PDE2A: variants seen among roughly 807,000 people sequenced by gnomAD.
The protein encoded by PDE2A is cGMP-dependent 3',5'-cyclic phosphodiesterase.
Under a neutral mutation model 133.6 loss-of-function variants are expected in PDE2A, and 53 were observed. That is an observed-to-expected ratio of 0.40 (90% CI 0.32 to 0.50). PDE2A has a LOEUF of 0.50. Ranked by LOEUF, PDE2A falls within the 20% of genes least tolerant of loss-of-function variation. PDE2A has a pLI of 0.73. For missense variants in PDE2A, 796 were observed against 1,232.4 expected (o/e 0.65, Z 5.30); for synonymous variants, 491 against 490.2 (o/e 1.00, Z -0.02).
At chr11:72,618,900 C>A (rs1232930004) in intron 2 of PDE2A, among the ~76,000 whole-genome samples, 1 of 152,170 alleles carries the variant, frequency 6.6e-6, no homozygotes, top group African/African-American at 2.4e-5. Context: ...CCACCCAGCC[C>A]GCCAGGCAGG....
rs537660660 is a variant in PDE2A, at chr11:72,674,101, C to T, written c.71+36G>A. ...AGGACCCTGTCTGTGGCACCTCTCA[C>T]AGCCGCTCACCACCCCAGCCCCTCA... On this transcript the variant is annotated intron_variant, in intron 1 of 30. Coordinates refer to ENST00000334456, the MANE Select transcript of PDE2A (RefSeq NM_002599.5). 1.3e-4 allele frequency: 208 copies of T among 1,603,728 alleles called. No homozygotes were observed. In the South Asian group the frequency reaches 2.1e-3, roughly 17 times the overall value.
At chr11:72,656,951 ACT>A (rs555621333) in intron 1 of PDE2A, among the ~76,000 whole-genome samples, 57 of 149,954 alleles carry the variant, frequency 3.8e-4, no homozygotes, top group South Asian at 1.1e-3. Flanking sequence ...CACTGCATCC[ACT>A]CTCTCCCAGT....
At chr11:72,665,262 A>G (rs1194162343) in intron 1 of PDE2A, among the ~76,000 whole-genome samples, 4 of 151,796 alleles carry the variant, frequency 2.6e-5, no homozygotes, top group Admixed American at 6.6e-5. Context: ...GAGCCCCACA[A>G]CCATGGGCCT....
chr11:72,673,637 A>G (rs76321662), intron 1 of PDE2A, among the ~76,000 whole-genome samples: 2,790 of 151,912 alleles, frequency 0.018, 70 homozygotes, highest in African/African-American at 0.064. Context: ...GAAGGTGGTT[A>G]CCTCTAACCC....
chr11:72,642,175 G>T (rs1466493219), intron 2 of PDE2A, 79 bp downstream of exon 2: 15 of 1,355,352 alleles, frequency 1.1e-5, no homozygotes, highest in Non-Finnish European at 1.4e-5. Context: ...CCCTGAGAAG[G>T]GTTCGGGGGC....
chr11:72,654,475 A>G (rs1854836690), intron 1 of PDE2A, among the ~76,000 whole-genome samples: 1 of 152,082 alleles, frequency 6.6e-6, no homozygotes, highest in South Asian at 2.1e-4. Flanking sequence ...AGCAGCCAAG[A>G]AGCAAGGTGA....
intron 2 of PDE2A, among the ~76,000 whole-genome samples, chr11:72,614,838 G>GGT (rs1264293834): frequency 1.7e-4 from 26 of 152,260 alleles, no homozygotes; most frequent in Middle Eastern, 3.4e-3. Flanking sequence ...AGAGGCTGGG[G>GGT]GTGGAAGGAC....
At chr11:72,594,197 A>T (rs1485857629) in intron 6 of PDE2A, among the ~76,000 whole-genome samples, 1 of 152,156 alleles carries the variant, frequency 6.6e-6, no homozygotes, top group Non-Finnish European at 1.5e-5. Context: ...GAGGGGGTGG[A>T]TGGGTAGGTG....
chr11:72,628,333 CTT>C (rs562919002), intron 2 of PDE2A, among the ~76,000 whole-genome samples: 26 of 141,942 alleles, frequency 1.8e-4, no homozygotes, highest in African/African-American at 3.1e-4. Context: ...GATAGAGGTT[CTT>C]TTTTTTTTTT....
chr11:72,586,856 C>T (rs1182869388), intron 13 of PDE2A, among the ~76,000 whole-genome samples: 4 of 152,196 alleles, frequency 2.6e-5, no homozygotes, highest in African/African-American at 9.6e-5. Flanking sequence ...TTTTGGCTGG[C>T]CTTGGTGCTC....
chr11:72,607,694 A>T (rs758523641), intron 3 of PDE2A, among the ~76,000 whole-genome samples: 11 of 152,104 alleles, frequency 7.2e-5, no homozygotes, highest in Non-Finnish European at 1.2e-4. Flanking sequence ...TGGTTCATCC[A>T]TCAAGCAGAT....
chr11:72,649,033 C>T (rs1241979239), intron 1 of PDE2A, among the ~76,000 whole-genome samples: 2 of 152,186 alleles, frequency 1.3e-5, no homozygotes, highest in African/African-American at 2.4e-5. Flanking sequence ...ACCCATATGG[C>T]TTCCTATTGC....
intron 2 of PDE2A, among the ~76,000 whole-genome samples, chr11:72,613,605 A>G (rs1214252398): frequency 1.3e-5 from 2 of 151,360 alleles, no homozygotes; most frequent in African/African-American, 2.4e-5. Flanking sequence ...TCTTCCTCTC[A>G]TAGCTTCTCC....
At chr11:72,583,003 A>G (rs1162687493) in intron 20 of PDE2A, among the ~76,000 whole-genome samples, 1 of 152,200 alleles carries the variant, frequency 6.6e-6, no homozygotes, top group Non-Finnish European at 1.5e-5. Context: ...AACAGCGACT[A>G]CCATATACAT....
At chr11:72,645,614 C>A (rs1259894276) in intron 1 of PDE2A, among the ~76,000 whole-genome samples, 1 of 152,206 alleles carries the variant, frequency 6.6e-6, no homozygotes, top group African/African-American at 2.4e-5. Context: ...TATCTGGAAC[C>A]CCCATCCCAG....
intron 19 of PDE2A, 93 bp from the exon 20 acceptor site, chr11:72,583,608 C>T (rs1305970782): frequency 3.6e-6 from 3 of 830,782 alleles, no homozygotes; most frequent in Non-Finnish European, 6.3e-6. Context: ...AAAAGACACC[C>T]CACTTCCTGT....
At chr11:72,589,306 C>G (rs1856124897) in intron 11 of PDE2A, 66 bp from the exon 12 acceptor site, 7 of 1,184,268 alleles carry the variant, frequency 5.9e-6, no homozygotes, top group Non-Finnish European at 7.5e-6. Context: ...TCAACCTGTC[C>G]CCACCCTCAA....
In PDE2A at chr11:72,606,582, C is replaced by A. The variant is rs948845358; in HGVS notation, c.235-1356G>T. Among the ~76,000 whole-genome samples, 4 of 152,196 alleles carry A rather than the reference C, an allele frequency of 2.6e-5. No homozygotes were observed. The East Asian group carries it at 7.7e-4, about 29-fold the overall frequency. On this transcript the variant is annotated intron_variant, in intron 3 of 30. Transcript: ENST00000334456. The stretch of plus-strand genomic sequence containing the variant: ...CTGAAGGGAGTGAGAGGGGCAGACA[C>A]CCTCTTGTTTGGCTGGAAGGAAACC...
intron 1 of PDE2A, among the ~76,000 whole-genome samples, chr11:72,663,500 G>A (rs1397133736): frequency 2.0e-5 from 3 of 152,076 alleles, no homozygotes; most frequent in Non-Finnish European, 4.4e-5. Flanking sequence ...AGGTCAAGGC[G>A]GGCAGATCAC....
Sources: allele counts gnomAD v4.1 joint callset (sites outside exome capture counted in the v4.1 genomes callset), GRCh38; gene constraint gnomAD v4.1.1; transcripts MANE v1.5; gene names NCBI Gene and HGNC (gene_info 2026-07-23, HGNC 2026-07-21).